GORASP2: variants seen among roughly 807,000 people sequenced by gnomAD.
GORASP2 encodes the protein Golgi reassembly-stacking protein 2.
A neutral mutation model predicts 45.7 loss-of-function variants in GORASP2; 22 were observed. That is an observed-to-expected ratio of 0.48 (90% CI 0.34 to 0.69). GORASP2 has a LOEUF of 0.69. Among genes scored for constraint, GORASP2 ranks in the 30% least tolerant of loss-of-function variants. The pLI, the probability that GORASP2 is intolerant of heterozygous loss-of-function variation, is 0.01. For synonymous variants in GORASP2, 221 were observed against 215.6 expected (o/e 1.02, Z -0.22); for missense variants, 491 against 562.7 (o/e 0.87, Z 1.29).
At chr2:170,942,084 T>G (rs536079977) in intron 1 of GORASP2, among the ~76,000 whole-genome samples, 63 of 152,336 alleles carry the variant, frequency 4.1e-4, no homozygotes, top group African/African-American at 1.4e-3. Context: ...AATTTGCATT[T>G]CCTTGATGAC....
chr2:170,964,026 T>C (rs1174565985), intron 9 of GORASP2, among the ~76,000 whole-genome samples: 1 of 152,238 alleles, frequency 6.6e-6, no homozygotes, highest in Non-Finnish European at 1.5e-5. Context: ...GCTTTTATAC[T>C]CAAAACTATG....
chr2:170,949,776 C>T (rs755655066), intron 3 of GORASP2, 34 bp downstream of exon 3: 3 of 1,430,746 alleles, frequency 2.1e-6, no homozygotes, highest in Non-Finnish European at 3.0e-6. Context: ...ACTGGAGGTT[C>T]ATGAAGCAGT....
chr2:170,953,519 GA>G (rs201815342), intron 5 of GORASP2, among the ~76,000 whole-genome samples: 2 of 152,142 alleles, frequency 1.3e-5, no homozygotes, highest in East Asian at 3.9e-4. Context: ...AGTTGTTTGG[GA>G]AATAAAAGAC....
At chr2:170,961,559 C>T (rs1704561054) in intron 7 of GORASP2, 104 bp from the exon 8 acceptor site, 1 of 754,744 alleles carries the variant, frequency 1.3e-6, no homozygotes, top group Non-Finnish European at 2.5e-6. Context: ...CAAATGAAGA[C>T]CTGACCACGG....
chr2:170,960,086 G>A (rs181095797), intron 7 of GORASP2, among the ~76,000 whole-genome samples: 2 of 152,212 alleles, frequency 1.3e-5, no homozygotes, highest in East Asian at 3.9e-4. Context: ...TTCCCAAAGT[G>A]CTGGGATTAC....
At chr2:170,947,854 C>T (rs1335565144) in intron 1 of GORASP2, among the ~76,000 whole-genome samples, 1 of 152,172 alleles carries the variant, frequency 6.6e-6, no homozygotes, top group African/African-American at 2.4e-5. Flanking sequence ...GGTGCAGTGG[C>T]TCACACCTGT....
At position 170,951,617 on chromosome 2, in the gene GORASP2, T is replaced by C. The variant is rs529211604; in HGVS notation, c.566+159T>C. The C allele has an allele frequency of 7.1e-6, 4 of 566,866 alleles. No homozygotes were observed. In the Admixed American group the frequency reaches 1.4e-4, roughly 20 times the overall value. 35.1% of individuals were successfully genotyped at this position (566,866 alleles called of 1,614,324 possible). A position where few individuals can be genotyped will look rare whatever the true frequency, so the allele number is the denominator to read the frequency against. ...TAGTCTAGAATATTGAAACCAATTT[T>C]TTTAAAGTACATATCTAGGGAACAT... On this transcript the variant is annotated intron_variant, in intron 5 of 9. Coordinates refer to ENST00000234160, the MANE Select transcript of GORASP2 (RefSeq NM_015530.5).
At chr2:170,946,811 ACACCT>A (rs1250609846) in intron 1 of GORASP2, among the ~76,000 whole-genome samples, 3 of 150,762 alleles carry the variant, frequency 2.0e-5, no homozygotes, top group Non-Finnish European at 4.4e-5. Context: ...GTGGTGGTGC[ACACCT>A]GTAATCCCAG....
At chr2:170,957,143 T>C (rs1704444823) in intron 7 of GORASP2, among the ~76,000 whole-genome samples, 1 of 152,182 alleles carries the variant, frequency 6.6e-6, no homozygotes. Context: ...TGAGTTGAAA[T>C]TCTGTTTAAC....
chr2:170,962,796 G>T, intron 8 of GORASP2, 43 bp from the exon 9 acceptor site: 1 of 1,291,934 alleles, frequency 7.7e-7, no homozygotes, highest in Non-Finnish European at 1.1e-6. Flanking sequence ...TTCTTCCCCA[G>T]GTCAAGTGAT....
At chr2:170,934,256 T>TTTG (rs1002824347) in intron 1 of GORASP2, among the ~76,000 whole-genome samples, 20 of 150,812 alleles carry the variant, frequency 1.3e-4, no homozygotes, top group African/African-American at 3.7e-4. Context: ...TGTTTTTTTT[T>TTTG]TTGTTGTTGT....
chr2:170,951,909 G>T (rs1037067224), intron 5 of GORASP2, among the ~76,000 whole-genome samples: 7 of 152,300 alleles, frequency 4.6e-5, no homozygotes, highest in Admixed American at 2.6e-4. Flanking sequence ...ATTCTAACTT[G>T]TTGCAGTTTG....
intron 1 of GORASP2, among the ~76,000 whole-genome samples, chr2:170,945,501 CAA>C (rs11396289): frequency 4.0e-5 from 5 of 125,104 alleles, no homozygotes; most frequent in African/African-American, 6.0e-5. Context: ...GACCTTGTCT[CAA>C]AAAAAAAAAA....
intron 1 of GORASP2, chr2:170,936,717 A>T: frequency 9.9e-7 from 1 of 1,007,806 alleles, no homozygotes; most frequent in Non-Finnish European, 1.4e-6. Flanking sequence ...TACTCCAATC[A>T]GGAGACTGAG....
intron 6 of GORASP2, 58 bp downstream of exon 6, chr2:170,954,840 G>GT: frequency 7.3e-7 from 1 of 1,370,338 alleles, no homozygotes; most frequent in Non-Finnish European, 1.0e-6. Context: ...CGAGTCACGT[G>GT]TTTCAGTGCT....
chr2:170,940,174 A>G (rs1461113191), intron 1 of GORASP2, among the ~76,000 whole-genome samples: 2 of 152,252 alleles, frequency 1.3e-5, no homozygotes, highest in Admixed American at 6.5e-5. Context: ...TAATTTACAT[A>G]TCAGCCAGAA....
intron 9 of GORASP2, among the ~76,000 whole-genome samples, chr2:170,963,819 A>AT (rs1050686751): frequency 2.0e-5 from 3 of 151,850 alleles, no homozygotes; most frequent in African/African-American, 7.2e-5. Context: ...ATTTTTTTGT[A>AT]TTTTTTGTAG....
chr2:170,948,291 G>A (rs1023317187), intron 1 of GORASP2, 59 bp from the exon 2 acceptor site: 12 of 922,954 alleles, frequency 1.3e-5, no homozygotes, highest in East Asian at 4.8e-5. Flanking sequence ...AGAGAGATTC[G>A]GCTTACAATT....
In GORASP2 at chr2:170,949,741, T is replaced by C. The variant is rs750968509; in HGVS notation, c.347T>C (p.Leu116Pro). ...GCAAATGAAAATGTTTGGCATGTGCTGGTACGTATCAACTGTGAACTGTTA... is the reference window on the plus strand; with the variant it reads ...GCAAATGAAAATGTTTGGCATGTGCCGGTACGTATCAACTGTGAACTGTTA... ...DGANENVWHV[L>P]EVESNSPAAL... Residue 116 changes from leucine to proline, a missense_variant and splice_region_variant, in exon 3 of 10, where the codon CTG (leucine) becomes CCG (proline). Transcript: ENST00000234160. The C allele has an allele frequency of 6.2e-7, 1 of 1,604,598 alleles. No homozygotes were observed. The highest frequency in any genetic ancestry group is 1.1e-5 in the South Asian group (1 of 90,878).
Sources: gnomAD v4.1 joint callset for allele counts (sites outside exome capture counted in the v4.1 genomes callset) on GRCh38, gnomAD v4.1.1 for gene constraint, MANE v1.5 for transcripts, NCBI Gene and HGNC (gene_info 2026-07-23, HGNC 2026-07-21) for gene names.